Variants in DNAH5 observed in about 807,000 individuals in gnomAD.
DNAH5 encodes the protein dynein axonemal heavy chain 5.
Under a neutral mutation model 518.2 loss-of-function variants are expected in DNAH5, and 372 were observed. The observed-to-expected ratio is 0.72, with a 90% CI of 0.66 to 0.78. The LOEUF (loss-of-function observed/expected upper bound fraction) is 0.78, where lower values mean the gene tolerates loss of function less well. Among genes scored for constraint, DNAH5 ranks in the 30% least tolerant of loss-of-function variants. The probability of loss-of-function intolerance (pLI) is 0.00; values close to 1 mark genes in which losing one functional copy is unlikely to be tolerated. For synonymous variants in DNAH5, 2,039 were observed against 2,025.9 expected (o/e 1.01, Z -0.17); for missense variants, 5,523 against 5,687.0 (o/e 0.97, Z 0.93).
intron 50 of DNAH5, among the ~76,000 whole-genome samples, chr5:13,790,555 C>G (rs1756807379): frequency 1.3e-5 from 2 of 152,192 alleles, no homozygotes. Flanking sequence ...GTAATTGAAT[C>G]ATAGGGGCTG....
intron 68 of DNAH5, among the ~76,000 whole-genome samples, chr5:13,734,357 AC>A (rs1366477289): frequency 6.6e-6 from 1 of 152,228 alleles, no homozygotes; most frequent in Non-Finnish European, 1.5e-5. Context: ...GAACTAAGAT[AC>A]ACAGTTACTT....
At chr5:13,988,423 T>G (rs1204990516) in intron 1 of DNAH5, among the ~76,000 whole-genome samples, 2 of 152,002 alleles carry the variant, frequency 1.3e-5, no homozygotes, top group Admixed American at 6.6e-5. Context: ...CCAATTTTTT[T>G]TTTTTTTTCT....
Position 13,919,305 on chromosome 5 carries a change from C to A in DNAH5, c.846G>T (p.Gly282=), listed in dbSNP as rs748702437. Residue 282 remains glycine (G), a synonymous_variant, in exon 7 of 79, where the codon GGG becomes GGT. Transcript: ENST00000265104. Reference sequence around the variant, plus strand: ...TCCAGTGCTCCAGCTCCGCTCGTGGCCCAACGTCATCCGCTTCCTTCAGCA... The same window carrying A: ...TCCAGTGCTCCAGCTCCGCTCGTGGACCAACGTCATCCGCTTCCTTCAGCA... The part of the protein sequence containing the change: ...NQLLKEADDV[G]PRAELEHWKK... 6.2e-7 allele frequency: 1 copy of A among 1,614,160 alleles called. No homozygotes were observed. The highest frequency in any genetic ancestry group is 1.1e-5 in the South Asian group (1 of 91,080).
At chr5:13,727,991 G>A (rs764486171) in intron 69 of DNAH5, among the ~76,000 whole-genome samples, 8 of 152,096 alleles carry the variant, frequency 5.3e-5, no homozygotes, top group Non-Finnish European at 7.4e-5. Context: ...AACGAAGTCC[G>A]ATTTGCTCCA....
chr5:13,861,059 A>T (rs991883328), intron 29 of DNAH5, among the ~76,000 whole-genome samples: 1 of 152,206 alleles, frequency 6.6e-6, no homozygotes, highest in Non-Finnish European at 1.5e-5. Context: ...TCACACACAT[A>T]GTAAAGGTTC....
Position 13,747,429 on chromosome 5 carries a change from G to A in DNAH5, c.11211+3649C>T, listed in dbSNP as rs550586658. Among the ~76,000 whole-genome samples the A allele has an allele frequency of 1.6e-4, 24 of 152,290 alleles. No homozygotes were observed. The South Asian group carries it at 4.6e-3, about 29-fold the overall frequency. On this transcript the variant is annotated intron_variant, in intron 65 of 78. Transcript: ENST00000265104. ...AGTAATGGGATGGCAGGGTCAAATG[G>A]TATTTCTAGTTCTAGATCCCTGAGG...
chr5:13,983,758 T>C (rs1782845805), intron 1 of DNAH5, among the ~76,000 whole-genome samples: 1 of 151,726 alleles, frequency 6.6e-6, no homozygotes, highest in African/African-American at 2.4e-5. Context: ...GAAAAGAGAG[T>C]CCTCAAAAAT....
chr5:13,869,742 T>C (rs1769803600), intron 24 of DNAH5, among the ~76,000 whole-genome samples: 1 of 152,172 alleles, frequency 6.6e-6, no homozygotes, highest in Non-Finnish European at 1.5e-5. Flanking sequence ...AAGTTTTGTT[T>C]TATACAATCG....
intron 13 of DNAH5, 146 bp downstream of exon 13, chr5:13,901,907 A>C (rs1330522008): frequency 1.5e-6 from 1 of 649,704 alleles, no homozygotes; most frequent in African/African-American, 1.8e-5. Flanking sequence ...TCCTCTGAAA[A>C]ACTTAAAAAC....
At chr5:13,928,642 C>A (rs1778115306) in intron 2 of DNAH5, among the ~76,000 whole-genome samples, 1 of 152,212 alleles carries the variant, frequency 6.6e-6, no homozygotes, top group African/African-American at 2.4e-5. Flanking sequence ...TTCCAGTAAG[C>A]AACCTGGCAC....
chr5:13,836,347 A>T (rs1047491498), intron 35 of DNAH5, among the ~76,000 whole-genome samples: 1 of 152,174 alleles, frequency 6.6e-6, no homozygotes, highest in Non-Finnish European at 1.5e-5. Flanking sequence ...GCCATGTGGG[A>T]TCACCTAAAG....
Position 13,737,415 on chromosome 5 carries a change from C to T in DNAH5, c.11292G>A (p.Leu3764=), listed in dbSNP as rs1435603022. 7 of 1,614,156 alleles carry T rather than the reference C, an allele frequency of 4.3e-6. No homozygotes were observed. The highest frequency in any genetic ancestry group is 5.9e-6 in the Non-Finnish European group (7 of 1,179,994). The stretch of plus-strand genomic sequence containing the variant: ...CCTGGGTACTTGTCAGGCGGTAAAG[C>T]AAGTTATCTTCTAGTTCCTTCATCC... ...KRRMKELEDN[L]LYRLTSTQGS... The change falls in exon 66 of 79, where the codon TTG becomes TTA. Residue 3764 remains leucine (L), a synonymous_variant. Transcript: ENST00000265104.
intron 36 of DNAH5, 27 bp from the exon 37 acceptor site, chr5:13,830,240 C>T: frequency 6.3e-7 from 1 of 1,595,838 alleles, no homozygotes; most frequent in Non-Finnish European, 8.6e-7. Flanking sequence ...AATGAAAAAT[C>T]CAATTAGTAT....
In DNAH5 at chr5:13,716,283, C is replaced by T. The variant is rs73749925; in HGVS notation, c.12909+204G>A. On this transcript the variant is annotated intron_variant, in intron 74 of 78. Transcript: ENST00000265104. ...AGAGGGGGGATGGAAACACGATTCA[C>T]ACAAAACACACACTCAGAACAAATA... Among the ~76,000 whole-genome samples, 1,380 of 152,246 alleles carry T rather than the reference C, an allele frequency of 9.1e-3. 21 individuals carry two copies. Among genetic ancestry groups the T allele is most frequent in the African/African-American group, 0.031 (1,308 of 41,526 alleles).
intron 44 of DNAH5, 50 bp downstream of exon 44, chr5:13,811,597 C>G (rs577543631): frequency 6.5e-7 from 1 of 1,540,388 alleles, no homozygotes; most frequent in East Asian, 2.3e-5. Flanking sequence ...CTCTGTGCAG[C>G]ATGGCTAAGT....
intron 48 of DNAH5, 97 bp downstream of exon 48, chr5:13,793,839 T>C: frequency 1.3e-6 from 2 of 1,552,342 alleles, no homozygotes; most frequent in East Asian, 4.7e-5. Context: ...AATTATATCT[T>C]GAAAAAGTAA....
chr5:13,891,211 A>G, intron 16 of DNAH5, 90 bp from the exon 17 acceptor site: 2 of 1,374,904 alleles, frequency 1.5e-6, no homozygotes, highest in South Asian at 2.4e-5. Context: ...GACAGTAGTA[A>G]AATCAGCTTT....
chr5:13,903,025 TA>T (rs1172081803), intron 12 of DNAH5, among the ~76,000 whole-genome samples: 6 of 152,122 alleles, frequency 3.9e-5, no homozygotes, highest in Non-Finnish European at 7.4e-5. Context: ...ACAGAATTAG[TA>T]ACCAAGTACT....
chr5:13,752,423 C>A, intron 63 of DNAH5, 134 bp from the exon 64 acceptor site: 1 of 1,096,162 alleles, frequency 9.1e-7, no homozygotes, highest in Non-Finnish European at 1.4e-6. Context: ...AAAATGTTCC[C>A]AAATACAAAA....
Sources: gnomAD v4.1 joint callset for allele counts (sites outside exome capture counted in the v4.1 genomes callset) on GRCh38, gnomAD v4.1.1 for gene constraint, MANE v1.5 for transcripts, NCBI Gene and HGNC (gene_info 2026-07-23, HGNC 2026-07-21) for gene names.